SORCS2: variants seen among roughly 807,000 people sequenced by gnomAD.
SORCS2 encodes the protein VPS10 domain-containing receptor SorCS2.
A neutral mutation model predicts 141.6 loss-of-function variants in SORCS2; 100 were observed. The observed-to-expected ratio is 0.71, with a 90% CI of 0.60 to 0.83. The LOEUF (loss-of-function observed/expected upper bound fraction) is 0.83. Among genes scored for constraint, SORCS2 ranks in the 40% least tolerant of loss-of-function variants. The pLI is 0.00. For synonymous variants in SORCS2, 789 were observed against 676.9 expected (o/e 1.17, Z -2.57); for missense variants, 1,646 against 1,560.2 (o/e 1.05, Z -0.93).
chr4:7,636,667 C>T (rs1390318620), intron 3 of SORCS2, among the ~76,000 whole-genome samples: 1 of 152,112 alleles, frequency 6.6e-6, no homozygotes, highest in Non-Finnish European at 1.5e-5. Flanking sequence ...TCCTAAATGG[C>T]CCACTCCTTT....
intron 3 of SORCS2, among the ~76,000 whole-genome samples, chr4:7,543,000 T>G (rs149322191): frequency 4.9e-4 from 74 of 152,316 alleles, no homozygotes; most frequent in African/African-American, 1.6e-3. Context: ...GATGGTCCTC[T>G]TGATGGAGGA....
chr4:7,443,581 C>T (rs1727814589), intron 2 of SORCS2, among the ~76,000 whole-genome samples: 1 of 152,156 alleles, frequency 6.6e-6, no homozygotes, highest in Non-Finnish European at 1.5e-5. Flanking sequence ...ATTTAGAAGC[C>T]GTGTCCTAAG....
chr4:7,403,636 G>C (rs1270271870), intron 2 of SORCS2, among the ~76,000 whole-genome samples: 1 of 152,022 alleles, frequency 6.6e-6, no homozygotes, highest in Admixed American at 6.5e-5. Context: ...CTTTACGGTA[G>C]GATTTATCAG....
chr4:7,431,532 A>G (rs73796583), intron 2 of SORCS2: 5,949 of 152,276 alleles, frequency 0.039, 399 homozygotes, highest in African/African-American at 0.13. Context: ...CGGCAGGCAG[A>G]CAGAGAGCCT....
intron 3 of SORCS2, among the ~76,000 whole-genome samples, chr4:7,607,467 C>G (rs1331010816): frequency 1.3e-5 from 2 of 152,184 alleles, no homozygotes; most frequent in Non-Finnish European, 2.9e-5. Context: ...CCCCCTTTGA[C>G]CTCCCGCCCC....
At chr4:7,697,497 C>A (rs1460539032) in intron 12 of SORCS2, among the ~76,000 whole-genome samples, 2 of 152,238 alleles carry the variant, frequency 1.3e-5, no homozygotes, top group Non-Finnish European at 2.9e-5. Context: ...TCGGACCACC[C>A]AGCTGCTCTT....
chr4:7,698,084 C>A (rs1053915870), intron 12 of SORCS2, among the ~76,000 whole-genome samples: 6 of 151,530 alleles, frequency 4.0e-5, no homozygotes, highest in African/African-American at 7.3e-5. Flanking sequence ...CACGCCTGGG[C>A]TCCCCACCCC....
At chr4:7,473,241 G>A (rs1258159272) in intron 2 of SORCS2, among the ~76,000 whole-genome samples, 1 of 152,192 alleles carries the variant, frequency 6.6e-6, no homozygotes, top group Non-Finnish European at 1.5e-5. Flanking sequence ...AAGGGCTCGG[G>A]CTGCAGCCGG....
Position 7,568,638 on chromosome 4 carries a change from C to T in SORCS2, c.648+37009C>T, listed in dbSNP as rs116331646. Among the ~76,000 whole-genome samples the T allele has an allele frequency of 6.4e-3, 973 of 152,270 alleles. 11 individuals are homozygous for T. The highest frequency in any genetic ancestry group is 0.021 in the African/African-American group (893 of 41,560). ...GATCTAAGGTGGAAACCGTGAACAACCTGACTGGTAATTGGTGCAGGATCC... is the reference window on the plus strand; with the variant it reads ...GATCTAAGGTGGAAACCGTGAACAATCTGACTGGTAATTGGTGCAGGATCC... On this transcript the variant is annotated intron_variant, in intron 3 of 26. Transcript: ENST00000507866.
rs370764208 is a variant in SORCS2, at chr4:7,678,391, C to T, written c.1341+2162C>T. On this transcript the variant is annotated intron_variant, in intron 9 of 26. Coordinates refer to ENST00000507866, the MANE Select transcript of SORCS2 (RefSeq NM_020777.3). ...CAAGGGATGGCCCTTCTCTGAAAACCATCAAACATGGGTCACAGCTGGTGG... is the reference window on the plus strand; with the variant it reads ...CAAGGGATGGCCCTTCTCTGAAAACTATCAAACATGGGTCACAGCTGGTGG... 1.3e-4 allele frequency among the ~76,000 whole-genome samples: 19 copies of T among 149,810 alleles called. No individual in the cohort carries two copies. The East Asian group carries it at 3.6e-3, about 28-fold the overall frequency.
chr4:7,435,782 G>A (rs560292222), intron 2 of SORCS2, among the ~76,000 whole-genome samples: 5 of 152,270 alleles, frequency 3.3e-5, no homozygotes, highest in Non-Finnish European at 5.9e-5. Context: ...ACGCACAGGC[G>A]CCTTGCGTCG....
intron 1 of SORCS2, among the ~76,000 whole-genome samples, chr4:7,347,574 C>T (rs976588430): frequency 5.9e-5 from 9 of 152,176 alleles, no homozygotes; most frequent in Non-Finnish European, 1.0e-4. Context: ...ACAGCACTTA[C>T]GTGGTAGAGC....
chr4:7,289,921 C>G (rs1258445477), intron 1 of SORCS2, among the ~76,000 whole-genome samples: 3 of 152,160 alleles, frequency 2.0e-5, no homozygotes, highest in African/African-American at 4.8e-5. Flanking sequence ...CCTGCAGCAC[C>G]CTGATCGCAG....
chr4:7,712,131 C>T (rs1725860205), intron 14 of SORCS2, among the ~76,000 whole-genome samples: 1 of 152,210 alleles, frequency 6.6e-6, no homozygotes, highest in Non-Finnish European at 1.5e-5. Context: ...CTTCCCCCAC[C>T]CACCTAGGCT....
chr4:7,689,168 G>T (rs1241564974), intron 10 of SORCS2, among the ~76,000 whole-genome samples: 1 of 152,096 alleles, frequency 6.6e-6, no homozygotes, highest in African/African-American at 2.4e-5. Context: ...CGTGAGCAGA[G>T]GCACCACACC....
At chr4:7,718,380 A>G (rs1726345723) in intron 18 of SORCS2, among the ~76,000 whole-genome samples, 197 bp downstream of exon 18, 1 of 152,220 alleles carries the variant, frequency 6.6e-6, no homozygotes, top group South Asian at 2.1e-4. Context: ...GCATTTAACA[A>G]TGAAAGAGAC....
chr4:7,645,216 G>T (rs1481797771), intron 4 of SORCS2, among the ~76,000 whole-genome samples: 8 of 152,202 alleles, frequency 5.3e-5, no homozygotes, highest in African/African-American at 1.9e-4. Flanking sequence ...ATAGAAGGGT[G>T]CCTGGCCTGA....
intron 3 of SORCS2, among the ~76,000 whole-genome samples, chr4:7,628,989 T>A (rs1719699620): frequency 6.6e-6 from 1 of 152,174 alleles, no homozygotes; most frequent in Admixed American, 6.5e-5. Context: ...GATGGTGTGC[T>A]GAGGAAGGGC....
intron 1 of SORCS2, among the ~76,000 whole-genome samples, chr4:7,221,664 C>G (rs1020016375): frequency 1.3e-5 from 2 of 152,190 alleles, no homozygotes; most frequent in Non-Finnish European, 2.9e-5. Flanking sequence ...CAGAAGCTTT[C>G]CCTCCTGAAG....
Sources: allele counts gnomAD v4.1 joint callset (sites outside exome capture counted in the v4.1 genomes callset), GRCh38; gene constraint gnomAD v4.1.1; transcripts MANE v1.5; gene names NCBI Gene and HGNC (gene_info 2026-07-23, HGNC 2026-07-21).